The following ZBTB46 variants were observed in gnomAD, a reference collection of about 807,000 sequenced individuals.
ZBTB46 encodes the protein zinc finger and BTB domain containing 46.
ZBTB46 carries 8 observed loss-of-function variants against 44.1 expected under a neutral mutation model. The ratio of observed to expected loss-of-function variants is 0.18; its 90% CI spans 0.11 to 0.33. The LOEUF is 0.33. Ranked by LOEUF, ZBTB46 falls within the 10% of genes least tolerant of loss-of-function variation. The probability of loss-of-function intolerance (pLI) is 1.00; values close to 1 mark genes in which losing one functional copy is unlikely to be tolerated. For synonymous variants in ZBTB46, 409 were observed against 382.3 expected, an observed-to-expected ratio of 1.07 and a Z score of -0.81; for missense variants, 651 against 847.7, an observed-to-expected ratio of 0.77 and a Z score of 2.88.
Position 63,801,273 on chromosome 20 carries a change from A to C in ZBTB46, c.-33-10483T>G, listed in dbSNP as rs570247936. On this transcript the variant is annotated intron_variant, in intron 1 of 4. Transcript: ENST00000245663. ...ACACACCAATCAGCGCCCTGTATCC[A>C]GCTCAAGGTTTGTGAATGCACCAAT... 2.0e-4 allele frequency among the ~76,000 whole-genome samples: 30 copies of C among 152,334 alleles called. 1 individual carries two copies. The East Asian group carries it at 5.6e-3, about 28-fold the overall frequency.
chr20:63,759,968 T>C (rs1166155621), intron 3 of ZBTB46, among the ~76,000 whole-genome samples: 1 of 152,222 alleles, frequency 6.6e-6, no homozygotes, highest in African/African-American at 2.4e-5. Flanking sequence ...TCACTTAACC[T>C]TGAGTTCTTG....
chr20:63,807,098 C>T (rs1255246482), intron 1 of ZBTB46, among the ~76,000 whole-genome samples: 1 of 151,772 alleles, frequency 6.6e-6, no homozygotes, highest in African/African-American at 2.4e-5. Context: ...GGTGTTAATT[C>T]TTAAAATGTT....
intron 1 of ZBTB46, among the ~76,000 whole-genome samples, chr20:63,816,023 GCAGGTGGGCA>G (rs1282680349): frequency 4.9e-5 from 7 of 142,884 alleles, no homozygotes; most frequent in Non-Finnish European, 9.1e-5. Flanking sequence ...TGCAGTGGGC[GCAGGTGGGCA>G]CAGGTGCGGT....
chr20:63,767,586 C>T lies in ZBTB46; in HGVS notation c.1222+8092G>A, dbSNP rs1018564751. ...ACCCAGCTGGAGCCCGGGACCCGGACGCCAAAGCTCTGGCCGCAGCACTGA... is the reference window on the plus strand; with the variant it reads ...ACCCAGCTGGAGCCCGGGACCCGGATGCCAAAGCTCTGGCCGCAGCACTGA... On this transcript the variant is annotated intron_variant, in intron 3 of 4. Transcript: ENST00000245663. The surrounding 1 kb of genome is among the most constrained non-coding windows in gnomAD (Gnocchi z 5.0). Among the ~76,000 whole-genome samples, 1 of 152,194 alleles carries T rather than the reference C, an allele frequency of 6.6e-6. No individual in the cohort carries two copies.
chr20:63,782,148 AAACC>A (rs1476835148), intron 2 of ZBTB46, among the ~76,000 whole-genome samples: 1 of 151,742 alleles, frequency 6.6e-6, no homozygotes, highest in Non-Finnish European at 1.5e-5. Flanking sequence ...TACTGTATGC[AAACC>A]CCCAGTGGTG....
At chr20:63,772,466 C>A (rs1303117815) in intron 3 of ZBTB46, among the ~76,000 whole-genome samples, 1 of 152,104 alleles carries the variant, frequency 6.6e-6, no homozygotes, top group Non-Finnish European at 1.5e-5. Context: ...CGCCTATAAA[C>A]CCGGCACTTT....
intron 1 of ZBTB46, among the ~76,000 whole-genome samples, chr20:63,801,687 G>A (rs1568886114): frequency 1.3e-5 from 2 of 152,154 alleles, no homozygotes. Flanking sequence ...CCAGAAGGAA[G>A]AAACTCCAAA....
At chr20:63,775,244 A>C in intron 3 of ZBTB46, 1 of 165,274 alleles carries the variant, frequency 6.1e-6, no homozygotes, top group Non-Finnish European at 1.3e-5. Flanking sequence ...CCCAAGTGCA[A>C]TCGGCTCGCA....
Position 63,744,978 on chromosome 20 carries a change from G to C in ZBTB46, c.*1952C>G, listed in dbSNP as rs1601373819. 1.3e-5 allele frequency: 2 copies of C among 152,544 alleles called. No homozygotes were observed. The highest frequency in any genetic ancestry group is 3.8e-4 in the East Asian group (2 of 5,324). The allele number at this position is 152,544 out of a possible 1,614,324, so 9.4% of individuals were successfully genotyped here. A position where few individuals can be genotyped will look rare whatever the true frequency, so the allele number is the denominator to read the frequency against. ...CCAAATGCATTTTGTAAGAAAGTCA[G>C]TCTGTTTAGAAAAAGGGTTTAAAAA... On this transcript the variant is annotated 3_prime_UTR_variant, in exon 5 of 5. Coordinates refer to ENST00000245663, the MANE Select transcript of ZBTB46 (RefSeq NM_001369741.1).
chr20:63,820,580 G>T (rs908843146), intron 1 of ZBTB46, among the ~76,000 whole-genome samples: 1 of 148,526 alleles, frequency 6.7e-6, no homozygotes, highest in African/African-American at 2.5e-5. Context: ...GATTACAGGC[G>T]CGCCACCATG....
intron 3 of ZBTB46, 22 bp downstream of exon 3, chr20:63,775,656 G>C: frequency 6.5e-7 from 1 of 1,529,154 alleles, no homozygotes; most frequent in East Asian, 2.3e-5. Flanking sequence ...AAAGCCAAGC[G>C]GCCCCCAGGG....
chr20:63,820,440 TA>T (rs1246872869), intron 1 of ZBTB46, among the ~76,000 whole-genome samples: 24 of 148,252 alleles, frequency 1.6e-4, no homozygotes, highest in African/African-American at 6.2e-4. Context: ...ATTATATATA[TA>T]TATTTTTTTT....
intron 4 of ZBTB46, among the ~76,000 whole-genome samples, chr20:63,750,992 T>C (rs955058416): frequency 7.9e-5 from 12 of 152,138 alleles, no homozygotes; most frequent in Admixed American, 2.6e-4. Flanking sequence ...AAACGTTTAC[T>C]GAGAGGTTAA....
chr20:63,815,254 GGTGCAGGTGGGCACCGGTGCAGTGA>G (rs2092741751), intron 1 of ZBTB46: 3 of 270,444 alleles, frequency 1.1e-5, no homozygotes, highest in Non-Finnish European at 2.2e-5. Context: ...AGGTGCAGTG[GGTGCAGGTGGGCACCGGTGCAGTGA>G]GTGCAGGTGC....
intron 3 of ZBTB46, among the ~76,000 whole-genome samples, chr20:63,755,212 T>C (rs2092208920): frequency 6.6e-6 from 1 of 152,252 alleles, no homozygotes; most frequent in African/African-American, 2.4e-5. Context: ...TTCTTCTTAA[T>C]GCTCTGTTTT....
chr20:63,775,027 G>A (rs1027787294), intron 3 of ZBTB46, among the ~76,000 whole-genome samples: 1 of 152,106 alleles, frequency 6.6e-6, no homozygotes, highest in Non-Finnish European at 1.5e-5. Context: ...AACTCCGAAA[G>A]CTGAATGCCC....
chr20:63,789,899 C>T lies in ZBTB46; in HGVS notation c.859G>A (p.Glu287Lys), dbSNP rs760117841. 1 of 1,613,894 alleles carries T rather than the reference C, an allele frequency of 6.2e-7. No homozygotes were observed. Residue 287 changes from glutamate to lysine, a missense_variant, in exon 2 of 5, where the codon GAA becomes AAA. Transcript: ENST00000245663. ...ETVRHITQQV[E>K]DDSRASSPVP... ...GGGGAGCTGGCCCGGCTGTCATCTT[C>T]CACCTGCTGTGTGATGTGCCGGACG...
At chr20:63,802,936 C>A (rs780491301) in intron 1 of ZBTB46, among the ~76,000 whole-genome samples, 1 of 152,336 alleles carries the variant, frequency 6.6e-6, no homozygotes, top group Non-Finnish European at 1.5e-5. Flanking sequence ...CTGGAGGGAA[C>A]AGATGTCTGT....
At chr20:63,747,881 C>T (rs2092120185) in intron 4 of ZBTB46, among the ~76,000 whole-genome samples, 1 of 152,224 alleles carries the variant, frequency 6.6e-6, no homozygotes, top group African/African-American at 2.4e-5. Flanking sequence ...CCACCGGCCT[C>T]TGCCTAAAAG....
Sources: gnomAD v4.1 joint callset for allele counts (sites outside exome capture counted in the v4.1 genomes callset) on GRCh38, gnomAD v4.1.1 for gene constraint, Gnocchi (gnomAD v3.1) non-coding constraint, MANE v1.5 for transcripts, NCBI Gene and HGNC (gene_info 2026-07-23, HGNC 2026-07-21) for gene names.